The following STK32B variants were observed in gnomAD, a reference collection of about 807,000 sequenced individuals.
The protein encoded by STK32B is serine/threonine kinase 32B.
A neutral mutation model predicts 52.6 loss-of-function variants in STK32B; 43 were observed. The ratio of observed to expected loss-of-function variants is 0.82; its 90% CI spans 0.64 to 1.05. The LOEUF is 1.05. Ranked by LOEUF, STK32B falls within the 50% of genes least tolerant of loss-of-function variation. The pLI is 0.00. For missense variants in STK32B, 621 were observed against 534.6 expected (o/e 1.16, Z -1.59); for synonymous variants, 238 against 204.3 (o/e 1.17, Z -1.41).
At chr4:5,444,413 G>T (rs1715170538) in intron 6 of STK32B, among the ~76,000 whole-genome samples, 1 of 152,210 alleles carries the variant, frequency 6.6e-6, no homozygotes, top group Non-Finnish European at 1.5e-5. Flanking sequence ...GGAACTCCCT[G>T]ACCCCTTGCG....
chr4:5,304,454 G>A (rs1466591572), intron 3 of STK32B, among the ~76,000 whole-genome samples: 2 of 150,882 alleles, frequency 1.3e-5, no homozygotes, highest in Admixed American at 6.6e-5. Flanking sequence ...ATTATAAAAG[G>A]GATTGAGTTC....
intron 4 of STK32B, among the ~76,000 whole-genome samples, chr4:5,368,643 C>G (rs918516502): frequency 6.6e-6 from 1 of 152,188 alleles, no homozygotes; most frequent in African/African-American, 2.4e-5. Context: ...ATGGCCTCAT[C>G]TCTCATGAGT....
rs939916007 is a variant in STK32B at position 5,051,812 on chromosome 4, G to A, written c.-52G>A. The A allele has an allele frequency of 3.8e-6, 6 of 1,561,444 alleles. No homozygotes were observed. The Middle Eastern group carries it at 6.7e-4, about 174-fold the overall frequency. Reference sequence around the variant, plus strand: ...CATCTCTGCGCGCGTCCCACATCCCGCATCCGGCATCCCAGCGGCCGGGCA... The same window carrying A: ...CATCTCTGCGCGCGTCCCACATCCCACATCCGGCATCCCAGCGGCCGGGCA... On this transcript the variant is annotated 5_prime_UTR_variant, in exon 1 of 12. Coordinates refer to ENST00000282908, the MANE Select transcript of STK32B (RefSeq NM_018401.3).
In STK32B at chr4:5,195,050, G is replaced by A. The variant is rs541898920; in HGVS notation, c.260+26600G>A. Reference sequence around the variant, plus strand: ...GGACACAGATCCAAACCATATCAAAGTGTGTGGTTTTTTTCTTTTTGGGAT... The same window carrying A: ...GGACACAGATCCAAACCATATCAAAATGTGTGGTTTTTTTCTTTTTGGGAT... On this transcript the variant is annotated intron_variant, in intron 3 of 11. Coordinates refer to ENST00000282908, the MANE Select transcript of STK32B (RefSeq NM_018401.3). Among the ~76,000 whole-genome samples the A allele has an allele frequency of 1.8e-4, 28 of 152,206 alleles. No homozygotes were observed. The Middle Eastern group carries it at 0.01, about 55-fold the overall frequency.
the STK32B span, among the ~76,000 whole-genome samples, chr4:5,040,112 T>A: frequency 1.2e-4 from 19 of 152,172 alleles, no homozygotes; most frequent in Admixed American, 6.5e-4. Flanking sequence ...ATTTCTCACA[T>A]CCTGTTGGCT....
intron 5 of STK32B, among the ~76,000 whole-genome samples, chr4:5,405,769 C>T (rs1308410294): frequency 6.6e-6 from 1 of 152,060 alleles, no homozygotes; most frequent in Non-Finnish European, 1.5e-5. Context: ...AGAAATCCAC[C>T]CTTAGGATCC....
chr4:5,159,537 ATATG>A (rs2108720886), intron 2 of STK32B, among the ~76,000 whole-genome samples: 1 of 117,770 alleles, frequency 8.5e-6, no homozygotes, highest in African/African-American at 3.1e-5. Context: ...ATATATGTAT[ATATG>A]TATATATATG....
At chr4:5,307,973 T>C (rs1443137991) in intron 3 of STK32B, among the ~76,000 whole-genome samples, 1 of 152,158 alleles carries the variant, frequency 6.6e-6, no homozygotes, top group Non-Finnish European at 1.5e-5. Context: ...TTCTATGATG[T>C]GATCCATCTT....
chr4:5,303,144 G>A (rs1729681412), intron 3 of STK32B, among the ~76,000 whole-genome samples: 1 of 152,024 alleles, frequency 6.6e-6, no homozygotes, highest in African/African-American at 2.4e-5. Flanking sequence ...GTAAACATGT[G>A]TGTGCAGGTA....
intron 2 of STK32B, among the ~76,000 whole-genome samples, chr4:5,142,307 A>G (rs1308033045): frequency 3.3e-5 from 5 of 152,152 alleles, no homozygotes; most frequent in Non-Finnish European, 7.3e-5. Context: ...TTTTCTGATG[A>G]TTTCTGCTTC....
chr4:5,286,215 A>T (rs1728530411), intron 3 of STK32B, among the ~76,000 whole-genome samples: 1 of 152,206 alleles, frequency 6.6e-6, no homozygotes, highest in African/African-American at 2.4e-5. Context: ...AATCAAAGAA[A>T]CTCAAAACTA....
intron 1 of STK32B, among the ~76,000 whole-genome samples, chr4:5,103,906 G>C (rs1286286319): frequency 6.6e-6 from 1 of 152,162 alleles, no homozygotes; most frequent in East Asian, 1.9e-4. Flanking sequence ...GAGTTCACTC[G>C]GATACCTTAA....
chr4:5,371,275 A>C (rs141902881), intron 4 of STK32B, among the ~76,000 whole-genome samples: 115 of 152,190 alleles, frequency 7.6e-4, no homozygotes, highest in Non-Finnish European at 1.5e-3. Context: ...AAACTGACTT[A>C]ACAGGATTCC....
rs76471455 is a variant in STK32B at position 5,186,063 on chromosome 4, A to G, written c.260+17613A>G. On this transcript the variant is annotated intron_variant, in intron 3 of 11. Coordinates refer to ENST00000282908, the MANE Select transcript of STK32B (RefSeq NM_018401.3). ...GCTCATCCTCCACAGGAATTCATTC[A>G]TTAAGTCGCTATTCACTGGGCTCTT... Among the ~76,000 whole-genome samples the G allele has an allele frequency of 9.3e-3, 1,413 of 152,298 alleles. 17 individuals carry two copies. The highest frequency in any genetic ancestry group is 0.032 in the African/African-American group (1,325 of 41,556).
rs1719599491 is a variant in STK32B, at chr4:5,490,197, C to G, written c.1107-8748C>G. On this transcript the variant is annotated intron_variant, in intron 11 of 11. Transcript: ENST00000282908. ...TCTTGGCTCACTGAAACCTCTACCT[C>G]CCGGGTTCAAGCAATTCTCCTGCCT... Among the ~76,000 whole-genome samples the G allele has an allele frequency of 2.6e-5, 4 of 152,056 alleles. No individual in the cohort carries two copies. In the South Asian group the frequency reaches 8.3e-4, roughly 32 times the overall value.
chr4:5,473,194 G>C lies in STK32B; in HGVS notation c.1106+5124G>C, dbSNP rs183354388. 3.3e-5 allele frequency among the ~76,000 whole-genome samples: 5 copies of C among 152,288 alleles called. No individual in the cohort carries two copies. The East Asian group carries it at 9.7e-4, about 29-fold the overall frequency. ...TAGCTGTGCTTTCATCCAGTTGTTT[G>C]GCAGATGTTTATTGAGCATCTCCCT... On this transcript the variant is annotated intron_variant, in intron 11 of 11. Coordinates refer to ENST00000282908, the MANE Select transcript of STK32B (RefSeq NM_018401.3).
chr4:5,346,201 A>G (rs1419370038), intron 4 of STK32B, among the ~76,000 whole-genome samples: 1 of 152,204 alleles, frequency 6.6e-6, no homozygotes, highest in Non-Finnish European at 1.5e-5. Flanking sequence ...TTGCTGAGAA[A>G]TCAGGTGTGT....
At chr4:5,127,021 A>C (rs2108816821) in intron 1 of STK32B, 1 of 464,332 alleles carries the variant, frequency 2.2e-6, no homozygotes, top group East Asian at 6.3e-5. Context: ...TACTCACATA[A>C]TGCTCAGAAT....
chr4:5,108,466 G>A (rs1714226736), intron 1 of STK32B, among the ~76,000 whole-genome samples: 1 of 152,094 alleles, frequency 6.6e-6, no homozygotes, highest in South Asian at 2.1e-4. Context: ...TGGGTGTTGA[G>A]GTTATGCTGA....
Sources: allele counts gnomAD v4.1 joint callset (sites outside exome capture counted in the v4.1 genomes callset), GRCh38; gene constraint gnomAD v4.1.1; transcripts MANE v1.5; gene names NCBI Gene and HGNC (gene_info 2026-07-23, HGNC 2026-07-21).